The following MTAP variants were observed in gnomAD, a reference collection of about 807,000 sequenced individuals.
MTAP encodes methylthioadenosine phosphorylase, also known as S-methyl-5'-thioadenosine phosphorylase.
MTAP carries 33 observed loss-of-function variants against 33.6 expected under a neutral mutation model. That is an observed-to-expected ratio of 0.98 (90% CI 0.74 to 1.31). The LOEUF (loss-of-function observed/expected upper bound fraction) is 1.31. Among genes scored for constraint, MTAP ranks in the 40% most tolerant of loss-of-function variants. The pLI, the probability that MTAP is intolerant of heterozygous loss-of-function variation, is 0.00. For synonymous variants in MTAP, 148 were observed against 125.7 expected (o/e 1.18, Z -1.19); for missense variants, 367 against 360.0 (o/e 1.02, Z -0.16).
intron 1 of MTAP, among the ~76,000 whole-genome samples, chr9:21,891,816 CA>C (rs941196993): frequency 2.8e-4 from 42 of 152,194 alleles, no homozygotes; most frequent in African/African-American, 9.4e-4. Flanking sequence ...CCCCAAGACA[CA>C]TAGTTATCAG....
In MTAP at chr9:21,893,446, A is replaced by G. The variant is rs941117654; in HGVS notation, c.148-37562A>G. On this transcript the variant is annotated intron_variant, in intron 1 of 1. Coordinates refer to the MTAP transcript ENST00000577563. ...TGCAAAATACATACAATTGTTTTCA[A>G]ACATCAATGAAACCAAACGTTGGTT... is the stretch of plus-strand genomic sequence containing the variant. 4 of 152,360 alleles carry G rather than the reference A, an allele frequency of 2.6e-5. No individual in the cohort carries two copies. The East Asian group carries it at 7.7e-4, about 29-fold the overall frequency. The allele number at this position is 152,360 out of a possible 1,614,324, so 9.4% of individuals were successfully genotyped here. A position where few individuals can be genotyped will look rare whatever the true frequency, so the allele number is the denominator to read the frequency against.
At chr9:21,843,231 T>C (rs967988557) in intron 5 of MTAP, among the ~76,000 whole-genome samples, 4 of 152,152 alleles carry the variant, frequency 2.6e-5, no homozygotes, top group African/African-American at 9.7e-5. Flanking sequence ...TAAATATATA[T>C]GCACTTAACA....
intron 1 of MTAP, among the ~76,000 whole-genome samples, chr9:21,923,400 A>G (rs1818819368): frequency 6.6e-6 from 1 of 152,108 alleles, no homozygotes; most frequent in African/African-American, 2.4e-5. Flanking sequence ...TTGGGAGGAG[A>G]GAAAATTCTT....
intron 1 of MTAP, among the ~76,000 whole-genome samples, chr9:21,902,098 C>T (rs771175529): frequency 2.0e-5 from 3 of 152,124 alleles, no homozygotes; most frequent in Non-Finnish European, 4.4e-5. Flanking sequence ...AAGAGTAATT[C>T]GCTAAACGAT....
downstream of MTAP, among the ~76,000 whole-genome samples, chr9:21,870,936 A>G (rs1402265041): frequency 6.6e-6 from 1 of 151,770 alleles, no homozygotes; most frequent in Admixed American, 6.6e-5. Flanking sequence ...ATGCCCAGCT[A>G]ATTTTTATAT....
chr9:21,877,039 C>T (rs964528828), intron 1 of MTAP, among the ~76,000 whole-genome samples: 4 of 152,012 alleles, frequency 2.6e-5, no homozygotes, highest in African/African-American at 9.7e-5. Flanking sequence ...TTTCCTTGAG[C>T]ATTGTTTTGT....
intron 1 of MTAP, among the ~76,000 whole-genome samples, chr9:21,901,761 T>C (rs2118803280): frequency 6.6e-6 from 1 of 152,256 alleles, no homozygotes; most frequent in East Asian, 1.9e-4. Context: ...CTGGAGAAGC[T>C]TGTGACATTT....
intron 1 of MTAP, among the ~76,000 whole-genome samples, chr9:21,884,651 G>A (rs772932221): frequency 1.2e-4 from 18 of 152,064 alleles, no homozygotes; most frequent in Non-Finnish European, 2.2e-4. Context: ...TCACATGGCC[G>A]CTAGTGAACT....
At chr9:21,835,030 G>C (rs531921791) in intron 4 of MTAP, among the ~76,000 whole-genome samples, 12 of 152,278 alleles carry the variant, frequency 7.9e-5, no homozygotes, top group African/African-American at 2.6e-4. Context: ...ATTTCTCACA[G>C]TCCTGGAGGC....
At chr9:21,939,781 G>A (rs1029028289), downstream of MTAP, among the ~76,000 whole-genome samples, 1 of 152,106 alleles carries the variant, frequency 6.6e-6, no homozygotes, top group Admixed American at 6.5e-5. Context: ...TACTCAGGTG[G>A]CTGAGGCACA....
intron 1 of MTAP, among the ~76,000 whole-genome samples, chr9:21,886,457 T>A (rs1356752246): frequency 6.6e-6 from 1 of 152,178 alleles, no homozygotes; most frequent in Non-Finnish European, 1.5e-5. Context: ...TTTATTTTGT[T>A]AAGTACCATC....
chr9:21,826,713 C>A (rs530364322), intron 4 of MTAP, among the ~76,000 whole-genome samples: 1 of 151,584 alleles, frequency 6.6e-6, no homozygotes. Context: ...TAATAGACTG[C>A]CAAATTTTTG....
rs7874202 is a variant in MTAP, at chr9:21,832,738, C to T, written c.348-5170C>T. On this transcript the variant is annotated intron_variant, in intron 4 of 7. Transcript: ENST00000644715. Reference sequence around the variant, plus strand: ...ACATCCTTTTATTAAAAATCCTACACTACCAGTTTTTGAGTTCCTATTAGG... The same window carrying T: ...ACATCCTTTTATTAAAAATCCTACATTACCAGTTTTTGAGTTCCTATTAGG... Among the ~76,000 whole-genome samples, 999 of 152,326 alleles carry T rather than the reference C, an allele frequency of 6.6e-3. 10 individuals carry two copies. The highest frequency in any genetic ancestry group is 0.023 in the African/African-American group (944 of 41,560).
At chr9:21,802,820 C>T (rs373386476) in intron 1 of MTAP, 39 bp downstream of exon 1, 4 of 1,610,822 alleles carry the variant, frequency 2.5e-6, no homozygotes, top group Non-Finnish European at 3.4e-6. Context: ...TTCGCCCTGC[C>T]GGATGCCTTC....
At chr9:21,901,103 A>G (rs558984424) in intron 1 of MTAP, among the ~76,000 whole-genome samples, 3 of 152,344 alleles carry the variant, frequency 2.0e-5, no homozygotes, top group Admixed American at 6.5e-5. Flanking sequence ...TAATCTGTAT[A>G]CCAAACTCCA....
chr9:21,803,035 C>CACACACACACACACA, intron 1 of MTAP: 1 of 1,077,108 alleles, frequency 9.3e-7, no homozygotes, highest in Non-Finnish European at 1.2e-6. Context: ...CACACACACA[C>CACACACACACACACA]ACCACCTTTT....
intron 1 of MTAP, among the ~76,000 whole-genome samples, chr9:21,901,198 C>T (rs1209617590): frequency 6.6e-6 from 1 of 151,984 alleles, no homozygotes; most frequent in African/African-American, 2.4e-5. Context: ...TACACATTGA[C>T]AAAAGAAAAA....
chr9:21,821,227 T>C (rs1824628047), intron 4 of MTAP, among the ~76,000 whole-genome samples: 1 of 152,170 alleles, frequency 6.6e-6, no homozygotes, highest in Non-Finnish European at 1.5e-5. Flanking sequence ...ATGCTTCCAG[T>C]TTTTGCCCAT....
chr9:21,832,465 ACTT>A (rs1382083280), intron 4 of MTAP, among the ~76,000 whole-genome samples: 6 of 152,318 alleles, frequency 3.9e-5, no homozygotes, highest in East Asian at 1.9e-4. Context: ...TACTGTTCTT[ACTT>A]CTTCTTACTC....
Sources: allele counts gnomAD v4.1 joint callset (sites outside exome capture counted in the v4.1 genomes callset), GRCh38; gene constraint gnomAD v4.1.1; transcripts MANE v1.5; gene names NCBI Gene and HGNC (gene_info 2026-07-23, HGNC 2026-07-21).